CDYL2: variants seen among roughly 807,000 people sequenced by gnomAD.
The protein encoded by CDYL2 is chromodomain Y like 2.
Under a neutral mutation model 49.4 loss-of-function variants are expected in CDYL2, and 23 were observed. That is an observed-to-expected ratio of 0.47 (90% CI 0.34 to 0.66). The LOEUF (loss-of-function observed/expected upper bound fraction) is 0.66, where lower values mean the gene tolerates loss of function less well. Among genes scored for constraint, CDYL2 ranks in the 30% least tolerant of loss-of-function variants. The probability of loss-of-function intolerance (pLI) is 0.01; values close to 1 mark genes in which losing one functional copy is unlikely to be tolerated. For synonymous variants in CDYL2, 360 were observed against 268.8 expected (o/e 1.34, Z -3.32); for missense variants, 678 against 656.4 (o/e 1.03, Z -0.36).
At chr16:80,615,955 C>T (rs989507489) in intron 4 of CDYL2, among the ~76,000 whole-genome samples, 3 of 152,222 alleles carry the variant, frequency 2.0e-5, no homozygotes, top group African/African-American at 7.2e-5. Context: ...GCTCCGATAT[C>T]TGATCCTTCT....
chr16:80,771,425 C>T (rs1211809896), intron 1 of CDYL2, among the ~76,000 whole-genome samples: 1 of 152,214 alleles, frequency 6.6e-6, no homozygotes, highest in South Asian at 2.1e-4. Context: ...CGAAAACTGG[C>T]CAGTGCAGTA....
chr16:80,751,381 C>G (rs1906131579), intron 1 of CDYL2, among the ~76,000 whole-genome samples: 1 of 152,222 alleles, frequency 6.6e-6, no homozygotes, highest in Admixed American at 6.5e-5. Flanking sequence ...GGTCTTCTCC[C>G]TTGGGTTATT....
chr16:80,736,949 A>G (rs1346391226), intron 1 of CDYL2, among the ~76,000 whole-genome samples: 1 of 152,140 alleles, frequency 6.6e-6, no homozygotes, highest in Admixed American at 6.5e-5. Flanking sequence ...GAGCCCTGGA[A>G]ATTTATATTA....
At chr16:80,768,740 C>T (rs545045649) in intron 1 of CDYL2, among the ~76,000 whole-genome samples, 1 of 152,284 alleles carries the variant, frequency 6.6e-6, no homozygotes, top group Admixed American at 6.5e-5. Context: ...TAGCATAACA[C>T]CATGGAATTA....
intron 1 of CDYL2, chr16:80,736,653 G>A (rs1332330904): frequency 6.6e-6 from 1 of 152,240 alleles, no homozygotes; most frequent in East Asian, 1.9e-4. Flanking sequence ...GCTCACACCT[G>A]TCACCCCAGC....
intron 2 of CDYL2, among the ~76,000 whole-genome samples, chr16:80,650,863 G>A (rs1908552882): frequency 6.6e-6 from 1 of 151,264 alleles, no homozygotes; most frequent in African/African-American, 2.4e-5. Context: ...AAAGAAGCCA[G>A]GCACAAAAAG....
chr16:80,620,669 G>C, intron 4 of CDYL2, 94 bp downstream of exon 4: 1 of 1,195,358 alleles, frequency 8.4e-7, no homozygotes. Flanking sequence ...AAAATTCCTG[G>C]TTGTTTGAAA....
chr16:80,726,470 A>G (rs1466978338), intron 1 of CDYL2, among the ~76,000 whole-genome samples: 1 of 152,250 alleles, frequency 6.6e-6, no homozygotes, highest in Admixed American at 6.5e-5. Context: ...TTCTATTTAG[A>G]GCAAGTTTTA....
rs769878591 is a variant in CDYL2 at position 80,787,592 on chromosome 16, TCTCTCTCTC to T, written c.24+16549_24+16557del. ...TAGGACAGATATAAAATATGTTCGTTCTCTCTCTCCTCTCTCTCCTCTCTCTCCTCTGTG... is the reference window on the plus strand; with the variant it reads ...TAGGACAGATATAAAATATGTTCGTTCTCTCTCTCCTCTCTCTCCTCTGTG... On this transcript the variant is annotated intron_variant, in intron 1 of 6. Transcript: ENST00000570137. Among the ~76,000 whole-genome samples the T allele has an allele frequency of 1.3e-3, 195 of 151,876 alleles. 1 individual carries two copies. Among genetic ancestry groups the T allele is most frequent in the Non-Finnish European group, 1.9e-3 (129 of 67,924 alleles).
intron 1 of CDYL2, among the ~76,000 whole-genome samples, chr16:80,718,824 TAA>T (rs1904900634): frequency 1.3e-5 from 2 of 151,956 alleles, no homozygotes; most frequent in Admixed American, 6.5e-5. Context: ...TCCCAGTCCC[TAA>T]AAGAGGTACT....
At chr16:80,639,805 G>A (rs998118270) in intron 2 of CDYL2, 1 of 445,206 alleles carries the variant, frequency 2.2e-6, no homozygotes, top group Non-Finnish European at 4.5e-6. Context: ...TGTGCACTGT[G>A]GAAAGGGAGA....
chr16:80,620,682 C>G, intron 4 of CDYL2, 81 bp downstream of exon 4: 1 of 1,317,140 alleles, frequency 7.6e-7, no homozygotes. Flanking sequence ...GTTTGAAATT[C>G]GAATTTAACT....
intron 1 of CDYL2, among the ~76,000 whole-genome samples, chr16:80,762,112 G>C (rs1185825618): frequency 1.3e-5 from 2 of 152,102 alleles, no homozygotes; most frequent in Non-Finnish European, 2.9e-5. Flanking sequence ...CTTGAGCCCA[G>C]GAAGTCGAGG....
At chr16:80,777,697 T>A (rs1567603855) in intron 1 of CDYL2, among the ~76,000 whole-genome samples, 1 of 152,050 alleles carries the variant, frequency 6.6e-6, no homozygotes. Context: ...GAACATGCTG[T>A]CTAAATTGTC....
chr16:80,679,648 C>G (rs1909895349), intron 2 of CDYL2: 1 of 455,238 alleles, frequency 2.2e-6, no homozygotes, highest in Non-Finnish European at 4.4e-6. Flanking sequence ...TACAGCTTTT[C>G]ATTTCACAAA....
chr16:80,692,595 T>C (rs16953845), intron 1 of CDYL2, among the ~76,000 whole-genome samples: 4,396 of 152,238 alleles, frequency 0.029, 80 homozygotes, highest in African/African-American at 0.046. Context: ...ATACCTGGAG[T>C]TGAGGCTTAA....
chr16:80,722,460 C>G (rs1905028982), intron 1 of CDYL2, among the ~76,000 whole-genome samples: 1 of 152,200 alleles, frequency 6.6e-6, no homozygotes. Flanking sequence ...AAACACTTCC[C>G]AGCTCCTCTG....
intron 1 of CDYL2, among the ~76,000 whole-genome samples, chr16:80,722,345 C>T (rs1204195238): frequency 1.3e-5 from 2 of 152,118 alleles, no homozygotes; most frequent in Non-Finnish European, 2.9e-5. Flanking sequence ...TTCAGAGGTA[C>T]ATAAAATAAC....
At chr16:80,782,306 C>T (rs989433501) in intron 1 of CDYL2, among the ~76,000 whole-genome samples, 2 of 151,624 alleles carry the variant, frequency 1.3e-5, no homozygotes, top group African/African-American at 4.8e-5. Flanking sequence ...AATAGAAAAT[C>T]TGAATAGATC....
Sources: gnomAD v4.1 joint callset for allele counts (sites outside exome capture counted in the v4.1 genomes callset) on GRCh38, gnomAD v4.1.1 for gene constraint, MANE v1.5 for transcripts, NCBI Gene and HGNC (gene_info 2026-07-23, HGNC 2026-07-21) for gene names.